Variants in CPED1 observed in about 807,000 individuals in gnomAD.
CPED1 encodes cadherin like and PC-esterase domain containing 1.
In CPED1, 114 loss-of-function variants were observed where a neutral mutation model predicts 128.2. The observed-to-expected ratio is 0.89, with a 90% confidence interval of 0.76 to 1.04. CPED1 has a LOEUF of 1.04. Among genes scored for constraint, CPED1 ranks in the 50% least tolerant of loss-of-function variants. The pLI is 0.00. For synonymous variants in CPED1, 462 were observed against 426.7 expected, an observed-to-expected ratio of 1.08 and a Z score of -1.02; for missense variants, 1,211 against 1,207.1, an observed-to-expected ratio of 1.00 and a Z score of -0.05.
intron 4 of CPED1, among the ~76,000 whole-genome samples, chr7:121,053,676 A>T (rs1314674402): frequency 1.3e-5 from 2 of 152,148 alleles, no homozygotes; most frequent in East Asian, 3.8e-4. Flanking sequence ...TGCTCCCAAC[A>T]ATTTGTATTC....
At chr7:121,199,422 A>G (rs539425800) in intron 16 of CPED1, among the ~76,000 whole-genome samples, 5 of 152,068 alleles carry the variant, frequency 3.3e-5, no homozygotes, top group Admixed American at 2.0e-4. Context: ...GCTCACACCT[A>G]TAATCCCAGC....
At chr7:121,180,383 A>T (rs1796875157) in intron 16 of CPED1, among the ~76,000 whole-genome samples, 1 of 152,130 alleles carries the variant, frequency 6.6e-6, no homozygotes, top group Non-Finnish European at 1.5e-5. Context: ...AAATAAAAAT[A>T]GACTTTTAAT....
intron 16 of CPED1, among the ~76,000 whole-genome samples, chr7:121,142,483 C>T (rs1033109896): frequency 3.3e-5 from 5 of 151,932 alleles, no homozygotes; most frequent in African/African-American, 1.2e-4. Context: ...CCTGGATCTA[C>T]TTTTGAAATG....
intron 8 of CPED1, among the ~76,000 whole-genome samples, chr7:121,125,538 T>G (rs1382376377): frequency 1.3e-5 from 2 of 152,060 alleles, no homozygotes; most frequent in Non-Finnish European, 2.9e-5. Context: ...TCAATTACCA[T>G]TTATGAGTGA....
chr7:121,099,707 G>A (rs1794794404), intron 6 of CPED1, among the ~76,000 whole-genome samples: 1 of 152,088 alleles, frequency 6.6e-6, no homozygotes. Context: ...AAATCTGCCA[G>A]AGTGGGGAAC....
intron 16 of CPED1, among the ~76,000 whole-genome samples, chr7:121,170,578 A>T (rs1033480248): frequency 6.6e-6 from 1 of 152,202 alleles, no homozygotes; most frequent in African/African-American, 2.4e-5. Flanking sequence ...TTATTAGTAC[A>T]TACCAGCTAC....
chr7:121,067,319 G>A (rs1020033578), intron 5 of CPED1, among the ~76,000 whole-genome samples: 1 of 151,556 alleles, frequency 6.6e-6, no homozygotes, highest in Non-Finnish European at 1.5e-5. Flanking sequence ...CTGTGTCCAT[G>A]TGTTCTCATT....
At chr7:120,991,715 T>C (rs1279787938) in intron 2 of CPED1, among the ~76,000 whole-genome samples, 2 of 152,216 alleles carry the variant, frequency 1.3e-5, no homozygotes, top group African/African-American at 2.4e-5. Flanking sequence ...ATCTGAAACT[T>C]ACTGGCTCCT....
intron 5 of CPED1, among the ~76,000 whole-genome samples, chr7:121,080,560 C>T (rs1008155669): frequency 5.9e-5 from 9 of 152,100 alleles, no homozygotes; most frequent in Non-Finnish European, 1.2e-4. Flanking sequence ...GTACAGAGTA[C>T]AATCAAGTTC....
chr7:121,103,402 G>A (rs2116236067), intron 7 of CPED1, among the ~76,000 whole-genome samples: 1 of 152,268 alleles, frequency 6.6e-6, no homozygotes, highest in South Asian at 2.1e-4. Flanking sequence ...TGATGATACA[G>A]ATAAGTTTCA....
At chr7:121,158,208 T>G (rs1006131323) in intron 16 of CPED1, among the ~76,000 whole-genome samples, 12 of 152,288 alleles carry the variant, frequency 7.9e-5, no homozygotes, top group African/African-American at 2.9e-4. Flanking sequence ...TGTTTAAGGG[T>G]TTGCATGTTT....
chr7:121,098,755 A>AAT, intron 6 of CPED1, among the ~76,000 whole-genome samples: 1 of 104,934 alleles, frequency 9.5e-6, no homozygotes. Context: ...AAAATATATA[A>AAT]AAATATATAT....
intron 7 of CPED1, among the ~76,000 whole-genome samples, chr7:121,120,966 TA>T (rs539242359): frequency 0.088 from 8,047 of 91,540 alleles, 163 homozygotes; most frequent in African/African-American, 0.16. Flanking sequence ...GTTCCTGACC[TA>T]AAAAAAAAAA....
intron 16 of CPED1, among the ~76,000 whole-genome samples, chr7:121,218,145 TGG>T (rs1356722327): frequency 7.1e-6 from 1 of 141,612 alleles, no homozygotes; most frequent in South Asian, 2.4e-4. Context: ...CCACCATGCC[TGG>T]CTAATTTTTT....
chr7:121,199,971 A>C (rs971372977), intron 16 of CPED1, among the ~76,000 whole-genome samples: 2 of 152,060 alleles, frequency 1.3e-5, no homozygotes, highest in East Asian at 1.9e-4. Flanking sequence ...TGTCTTCTGA[A>C]TCTGGTGTGT....
chr7:120,990,668 T>C (rs536378585), intron 2 of CPED1, among the ~76,000 whole-genome samples: 1 of 152,232 alleles, frequency 6.6e-6, no homozygotes, highest in Admixed American at 6.5e-5. Context: ...GCAAAAAAGA[T>C]CATGGTGGCA....
At chr7:121,042,950 T>C (rs913539505) in intron 3 of CPED1, among the ~76,000 whole-genome samples, 1 of 152,204 alleles carries the variant, frequency 6.6e-6, no homozygotes, top group Admixed American at 6.5e-5. Context: ...ACCACCCAAA[T>C]TGACCAGGGG....
chr7:121,042,145 T>C (rs1206007804), intron 3 of CPED1, among the ~76,000 whole-genome samples: 1 of 147,116 alleles, frequency 6.8e-6, no homozygotes, highest in Non-Finnish European at 1.5e-5. Context: ...AAAAAAAAAC[T>C]AAGAAAGTTT....
At chr7:121,141,144 C>A in intron 15 of CPED1, 131 bp downstream of exon 15, 1 of 606,828 alleles carries the variant, frequency 1.6e-6, no homozygotes, top group South Asian at 3.9e-5. Flanking sequence ...GTGAACTTTC[C>A]CCTTCTCATT....
Sources: allele counts gnomAD v4.1 joint callset (sites outside exome capture counted in the v4.1 genomes callset), GRCh38; gene constraint gnomAD v4.1.1; transcripts MANE v1.5; gene names NCBI Gene and HGNC (gene_info 2026-07-23, HGNC 2026-07-21).